The following STAG1 variants were observed in gnomAD, a reference collection of about 807,000 sequenced individuals.
STAG1 encodes the protein cohesin subunit SA-1.
In STAG1, 26 loss-of-function variants were observed where a neutral mutation model predicts 170.9. That is an observed-to-expected ratio of 0.15 (90% CI 0.11 to 0.21). The LOEUF is 0.21. Ranked by LOEUF, STAG1 falls within the 10% of genes least tolerant of loss-of-function variation. The probability of loss-of-function intolerance (pLI) is 1.00; values close to 1 mark genes in which losing one functional copy is unlikely to be tolerated. For synonymous variants in STAG1, 514 were observed against 497.7 expected (o/e 1.03, Z -0.44); for missense variants, 964 against 1,509.5 (o/e 0.64, Z 5.99).
chr3:136,671,199 G>A (rs558818245), intron 1 of STAG1, among the ~76,000 whole-genome samples: 76 of 152,192 alleles, frequency 5.0e-4, no homozygotes, highest in Non-Finnish European at 3.2e-4. Context: ...CAGGAGAATC[G>A]CTTGAAATCA....
intron 1 of STAG1, among the ~76,000 whole-genome samples, chr3:136,700,985 G>T (rs989305227): frequency 7.0e-6 from 1 of 143,388 alleles, no homozygotes; most frequent in African/African-American, 2.6e-5. Flanking sequence ...GGGTTCAAGT[G>T]ATTCTCCTGC....
At chr3:136,737,074 A>G (rs1468468207) in intron 1 of STAG1, 2 of 1,134,282 alleles carry the variant, frequency 1.8e-6, no homozygotes, top group Non-Finnish European at 2.7e-6. Flanking sequence ...AATGGGGTGA[A>G]ACTGAAGTAA....
chr3:136,431,085 G>A (rs1010951076), intron 16 of STAG1, among the ~76,000 whole-genome samples: 3 of 151,840 alleles, frequency 2.0e-5, no homozygotes, highest in Non-Finnish European at 2.9e-5. Flanking sequence ...TGTAATTTTA[G>A]TAGAGATGGG....
chr3:136,612,110 G>C (rs573068661), intron 3 of STAG1, among the ~76,000 whole-genome samples: 1 of 152,030 alleles, frequency 6.6e-6, no homozygotes, highest in Admixed American at 6.6e-5. Context: ...GCCTCCCAAA[G>C]TGCTGGGATT....
intron 16 of STAG1, among the ~76,000 whole-genome samples, chr3:136,427,842 T>C (rs2088178304): frequency 6.6e-6 from 1 of 152,134 alleles, no homozygotes; most frequent in Non-Finnish European, 1.5e-5. Flanking sequence ...AGTCATATAA[T>C]AACAACTTAA....
chr3:136,396,662 G>A lies in STAG1; in HGVS notation c.2277+2087C>T, dbSNP rs577896231. The stretch of plus-strand genomic sequence containing the variant: ...TCTGCCTCAGCCTCCCAAGCAGCTG[G>A]GACTACAGGCGCCTGCCACCACACC... On this transcript the variant is annotated intron_variant, in intron 22 of 33. Transcript: ENST00000383202. Among the ~76,000 whole-genome samples the A allele has an allele frequency of 1.7e-4, 25 of 149,960 alleles. No homozygotes were observed. In the South Asian group the frequency reaches 4.0e-3, roughly 24 times the overall value.
chr3:136,741,005 C>G (rs750721341), intron 1 of STAG1, among the ~76,000 whole-genome samples: 4 of 152,178 alleles, frequency 2.6e-5, no homozygotes, highest in Non-Finnish European at 5.9e-5. Flanking sequence ...GAAGACAACT[C>G]TCCATGGAGT....
chr3:136,441,318 C>T (rs1034526351), intron 15 of STAG1, among the ~76,000 whole-genome samples: 13 of 152,148 alleles, frequency 8.5e-5, no homozygotes, highest in African/African-American at 3.1e-4. Flanking sequence ...CAGGCGTGAG[C>T]CACCACACCT....
intron 9 of STAG1, among the ~76,000 whole-genome samples, chr3:136,484,330 C>T (rs1170424539): frequency 5.4e-5 from 8 of 149,408 alleles, no homozygotes; most frequent in Non-Finnish European, 9.0e-5. Flanking sequence ...TGTTGGAATA[C>T]CCTGCCGTGT....
At chr3:136,385,608 GA>G (rs1170202568) in intron 22 of STAG1, among the ~76,000 whole-genome samples, 5 of 152,162 alleles carry the variant, frequency 3.3e-5, no homozygotes, top group Admixed American at 2.0e-4. Flanking sequence ...TAGATCTAGT[GA>G]AACCGAGAAT....
At chr3:136,635,952 G>A (rs891287363) in intron 1 of STAG1, among the ~76,000 whole-genome samples, 1 of 152,096 alleles carries the variant, frequency 6.6e-6, no homozygotes, top group African/African-American at 2.4e-5. Context: ...AAATTGTAAT[G>A]TAAGAAATCC....
At chr3:136,731,739 A>G (rs1365498773) in intron 1 of STAG1, among the ~76,000 whole-genome samples, 2 of 152,364 alleles carry the variant, frequency 1.3e-5, no homozygotes, top group Non-Finnish European at 2.9e-5. Context: ...TGACTCAATG[A>G]GCAAAATTAC....
At chr3:136,456,904 T>C (rs887290267) in intron 13 of STAG1, among the ~76,000 whole-genome samples, 1 of 152,178 alleles carries the variant, frequency 6.6e-6, no homozygotes, top group East Asian at 1.9e-4. Flanking sequence ...ATACTGTACC[T>C]AACAATATCC....
chr3:136,737,207 C>G (rs1249221591), intron 1 of STAG1: 1 of 685,594 alleles, frequency 1.5e-6, no homozygotes. Flanking sequence ...CACGAAGTCC[C>G]GCTCTCTCCT....
chr3:136,475,331 G>A (rs34708790), intron 10 of STAG1, among the ~76,000 whole-genome samples: 1 of 151,850 alleles, frequency 6.6e-6, no homozygotes, highest in South Asian at 2.1e-4. Context: ...ATTTTTAGTA[G>A]AGACAGGGTT....
intron 1 of STAG1, among the ~76,000 whole-genome samples, chr3:136,638,241 C>T (rs1012412299): frequency 6.6e-6 from 1 of 151,346 alleles, no homozygotes; most frequent in Non-Finnish European, 1.5e-5. Flanking sequence ...TCAAGCGATT[C>T]TCCTGCCTCA....
intron 13 of STAG1, among the ~76,000 whole-genome samples, chr3:136,460,085 G>T (rs1042163223): frequency 1.3e-5 from 2 of 152,016 alleles, no homozygotes; most frequent in African/African-American, 4.8e-5. Context: ...ACCACAATTG[G>T]TTTTTTAAAA....
At chr3:136,375,763 G>A (rs1937563778) in intron 23 of STAG1, among the ~76,000 whole-genome samples, 1 of 151,618 alleles carries the variant, frequency 6.6e-6, no homozygotes, top group Non-Finnish European at 1.5e-5. Context: ...GAGGTCAGGA[G>A]TTTGAGACCA....
intron 13 of STAG1, 110 bp downstream of exon 13, chr3:136,464,771 G>T: frequency 3.7e-6 from 3 of 813,832 alleles, no homozygotes; most frequent in Non-Finnish European, 5.8e-6. Flanking sequence ...AGTATCAGAT[G>T]GACATTTTCA....
Sources: allele counts gnomAD v4.1 joint callset (sites outside exome capture counted in the v4.1 genomes callset), GRCh38; gene constraint gnomAD v4.1.1; transcripts MANE v1.5; gene names NCBI Gene and HGNC (gene_info 2026-07-23, HGNC 2026-07-21).